GRM5: variants seen among roughly 807,000 people sequenced by gnomAD.
The protein encoded by GRM5 is glutamate metabotropic receptor 5.
Under a neutral mutation model 83.1 loss-of-function variants are expected in GRM5, and 19 were observed. That is an observed-to-expected ratio of 0.23 (90% CI 0.16 to 0.34). The LOEUF is 0.34. Among genes scored for constraint, GRM5 ranks in the 10% least tolerant of loss-of-function variants. GRM5 has a pLI of 1.00. For missense variants in GRM5, 1,160 were observed against 1,588.3 expected (o/e 0.73, Z 4.58); for synonymous variants, 675 against 633.6 (o/e 1.07, Z -0.98).
At chr11:88,860,017 G>C (rs1393553379) in intron 2 of GRM5, among the ~76,000 whole-genome samples, 1 of 152,026 alleles carries the variant, frequency 6.6e-6, no homozygotes, top group Non-Finnish European at 1.5e-5. Flanking sequence ...ATATTATCTT[G>C]TATTAGTTAC....
intron 2 of GRM5, chr11:88,984,582 T>C (rs763005716): frequency 6.0e-5 from 27 of 451,662 alleles, no homozygotes; most frequent in Non-Finnish European, 1.0e-4. Flanking sequence ...GCAATATCTT[T>C]ATTATCTTAA....
At chr11:89,023,308 C>G (rs189934184) in intron 2 of GRM5, among the ~76,000 whole-genome samples, 173 of 152,226 alleles carry the variant, frequency 1.1e-3, no homozygotes, top group African/African-American at 4.1e-3. Context: ...ACATGACCCC[C>G]AAACACTCTT....
At chr11:88,565,990 T>C (rs1034167160) in intron 8 of GRM5, among the ~76,000 whole-genome samples, 39 of 152,336 alleles carry the variant, frequency 2.6e-4, no homozygotes, top group African/African-American at 9.4e-4. Context: ...AAGTAGGACT[T>C]TCCTGCAGGC....
rs1420650831 is a variant in GRM5, at chr11:88,730,078, T to A, written c.912-76675A>T. On this transcript the variant is annotated intron_variant, in intron 3 of 9. Transcript: ENST00000305447. ...TTCTGCACAGCAAAAGGAACTATCA[T>A]CAGAGTGAACAGGCAACCTACAGAA... Among the ~76,000 whole-genome samples the A allele has an allele frequency of 2.6e-5, 4 of 152,084 alleles. 1 individual carries two copies. The highest frequency in any genetic ancestry group is 5.9e-5 in the Non-Finnish European group (4 of 68,016).
chr11:88,770,819 C>T (rs1029431174), intron 3 of GRM5, among the ~76,000 whole-genome samples: 23 of 152,154 alleles, frequency 1.5e-4, no homozygotes, highest in African/African-American at 3.9e-4. Flanking sequence ...TTTGTCAGAA[C>T]GTTAATCTAA....
chr11:88,997,077 C>A (rs1940205985), intron 2 of GRM5, among the ~76,000 whole-genome samples: 1 of 152,118 alleles, frequency 6.6e-6, no homozygotes, highest in South Asian at 2.1e-4. Context: ...GTAATCCCAG[C>A]AGTTTGGGAG....
At chr11:88,541,943 G>T (rs755272059) in intron 8 of GRM5, among the ~76,000 whole-genome samples, 4 of 152,110 alleles carry the variant, frequency 2.6e-5, no homozygotes, top group South Asian at 4.1e-4. Context: ...CTTCTTGTGA[G>T]ATCTAAAGGT....
At chr11:88,744,066 A>G (rs546774728) in intron 3 of GRM5, among the ~76,000 whole-genome samples, 74 of 152,294 alleles carry the variant, frequency 4.9e-4, no homozygotes, top group South Asian at 3.5e-3. Context: ...GTTCCATCCT[A>G]TATCACAATT....
intron 3 of GRM5, among the ~76,000 whole-genome samples, chr11:88,680,775 A>G (rs1299522906): frequency 6.6e-6 from 1 of 152,076 alleles, no homozygotes; most frequent in African/African-American, 2.4e-5. Flanking sequence ...TCTACATCCC[A>G]CCTTCTATTA....
intron 3 of GRM5, among the ~76,000 whole-genome samples, chr11:88,658,661 C>T (rs562714073): frequency 6.6e-6 from 1 of 152,134 alleles, no homozygotes; most frequent in Non-Finnish European, 1.5e-5. Context: ...TTGACCAACA[C>T]TTCTTAGGGA....
chr11:88,697,673 G>A (rs1224495463), intron 3 of GRM5, among the ~76,000 whole-genome samples: 1 of 152,178 alleles, frequency 6.6e-6, no homozygotes, highest in Non-Finnish European at 1.5e-5. Flanking sequence ...ATTGTGACTA[G>A]GAAAGTGCTT....
At chr11:88,891,816 T>C (rs933819428) in intron 2 of GRM5, among the ~76,000 whole-genome samples, 2 of 152,080 alleles carry the variant, frequency 1.3e-5, no homozygotes, top group Admixed American at 1.3e-4. Context: ...GCTTTGAAGA[T>C]TGTAACATTG....
At chr11:88,543,414 CA>C (rs1369656666) in intron 8 of GRM5, among the ~76,000 whole-genome samples, 6 of 152,094 alleles carry the variant, frequency 3.9e-5, no homozygotes, top group Admixed American at 1.3e-4. Flanking sequence ...TCACGTTCAC[CA>C]CAAATAAAAT....
At chr11:88,826,057 A>G (rs1310645332) in intron 3 of GRM5, among the ~76,000 whole-genome samples, 2 of 152,172 alleles carry the variant, frequency 1.3e-5, no homozygotes, top group Non-Finnish European at 2.9e-5. Context: ...TGGTGTTAAG[A>G]GGTGTTTTCT....
At chr11:88,795,838 G>A (rs1590862417) in intron 3 of GRM5, among the ~76,000 whole-genome samples, 1 of 152,116 alleles carries the variant, frequency 6.6e-6, no homozygotes, top group African/African-American at 2.4e-5. Context: ...AGAAAACAAC[G>A]AGTTTAATAG....
intron 3 of GRM5, among the ~76,000 whole-genome samples, chr11:88,775,961 T>C (rs1942838852): frequency 6.6e-6 from 1 of 152,220 alleles, no homozygotes; most frequent in Non-Finnish European, 1.5e-5. Flanking sequence ...TAGGTCTGCT[T>C]GTTTCAGAGC....
At position 88,798,807 on chromosome 11, in the gene GRM5, A is replaced by AG. The variant is rs1943331510; in HGVS notation, c.911+51098_911+51099insC. On this transcript the variant is annotated intron_variant, in intron 3 of 9. Transcript: ENST00000305447. ...TCTTTGCTACCTAATGAAAACACCA[A>AG]AAAAAAAAAAAAAAAAAAAACAACA... Among the ~76,000 whole-genome samples, 4 of 129,462 alleles carry AG rather than the reference A, an allele frequency of 3.1e-5. 1 individual carries two copies. The South Asian group carries it at 1.2e-3, about 39-fold the overall frequency. 84.9% of individuals were successfully genotyped at this position (129,462 alleles called of 152,430 possible).
chr11:88,818,250 A>T (rs950992593), intron 3 of GRM5, among the ~76,000 whole-genome samples: 1 of 152,112 alleles, frequency 6.6e-6, no homozygotes, highest in Non-Finnish European at 1.5e-5. Context: ...CATTTGGTTT[A>T]CTTGCCACCA....
At chr11:88,680,085 T>C (rs7116657) in intron 3 of GRM5, among the ~76,000 whole-genome samples, 1 of 152,136 alleles carries the variant, frequency 6.6e-6, no homozygotes, top group South Asian at 2.1e-4. Context: ...CTAATTTTTT[T>C]AATTTTTGTT....
Sources: gnomAD v4.1 joint callset for allele counts (sites outside exome capture counted in the v4.1 genomes callset) on GRCh38, gnomAD v4.1.1 for gene constraint, MANE v1.5 for transcripts, NCBI Gene and HGNC (gene_info 2026-07-23, HGNC 2026-07-21) for gene names.